The following LRP1B variants were observed in gnomAD, a reference collection of about 807,000 sequenced individuals.
LRP1B encodes LDL receptor related protein 1B.
Under a neutral mutation model 556.6 loss-of-function variants are expected in LRP1B, and 217 were observed. That is an observed-to-expected ratio of 0.39 (90% confidence interval 0.35 to 0.44). The LOEUF is 0.44. Among genes scored for constraint, LRP1B ranks in the 20% least tolerant of loss-of-function variants. LRP1B has a pLI of 1.00. For synonymous variants in LRP1B, 2,047 were observed against 1,865.8 expected, an observed-to-expected ratio of 1.10 and a Z score of -2.50; for missense variants, 5,053 against 5,620.8, an observed-to-expected ratio of 0.90 and a Z score of 3.23.
At chr2:141,578,209 C>G (rs1161866745) in intron 2 of LRP1B, among the ~76,000 whole-genome samples, 2 of 152,018 alleles carry the variant, frequency 1.3e-5, no homozygotes, top group Non-Finnish European at 2.9e-5. Context: ...ACCTGAACAA[C>G]ATGGTGAAAT....
At chr2:142,117,615 T>TTG (rs372613514) in intron 1 of LRP1B, among the ~76,000 whole-genome samples, 9 of 144,108 alleles carry the variant, frequency 6.2e-5, no homozygotes, top group African/African-American at 1.5e-4. Flanking sequence ...GTGTGTGTGT[T>TTG]TGTGTGTGTG....
At position 141,536,455 on chromosome 2, in the gene LRP1B, C is replaced by A. The variant is rs1685071310; in HGVS notation, c.206-55922G>T. Among the ~76,000 whole-genome samples, 5 of 151,972 alleles carry A rather than the reference C, an allele frequency of 3.3e-5. No individual in the cohort carries two copies. The South Asian group carries it at 1.0e-3, about 32-fold the overall frequency. On this transcript the variant is annotated intron_variant, in intron 2 of 90. Transcript: ENST00000389484. The stretch of plus-strand genomic sequence containing the variant: ...TAAAATGTTTTGTGAATGCTATACC[C>A]ATCCTAATATAGAATCAATTATTAG...
At chr2:141,695,269 C>T (rs371638054) in intron 2 of LRP1B, among the ~76,000 whole-genome samples, 50 of 152,016 alleles carry the variant, frequency 3.3e-4, no homozygotes, top group South Asian at 6.2e-4. Context: ...ATTCTGATGC[C>T]TCCTGGGGCA....
chr2:141,488,109 G>T (rs1683185678), intron 2 of LRP1B, among the ~76,000 whole-genome samples: 1 of 152,064 alleles, frequency 6.6e-6, no homozygotes, highest in Non-Finnish European at 1.5e-5. Flanking sequence ...AGGCCTCATT[G>T]TATAGTTTAT....
At position 141,337,524 on chromosome 2, in the gene LRP1B, C is replaced by A. The variant is rs138635939; in HGVS notation, c.344-82883G>T. 3.1e-3 allele frequency among the ~76,000 whole-genome samples: 476 copies of A among 152,202 alleles called. 1 individual carries two copies. The highest frequency in any genetic ancestry group is 3.6e-3 in the Non-Finnish European group (243 of 68,012). ...AGCTGATTATTTTTTATACTGTTAA[C>A]AGTCTAACCAGTGTCTTTTGCAAAA... is the stretch of plus-strand genomic sequence containing the variant. On this transcript the variant is annotated intron_variant, in intron 3 of 90. Coordinates refer to ENST00000389484, the MANE Select transcript of LRP1B (RefSeq NM_018557.3).
At chr2:140,716,973 TA>T (rs528699146) in intron 35 of LRP1B, among the ~76,000 whole-genome samples, 157 bp from the exon 36 acceptor site, 24 of 151,008 alleles carry the variant, frequency 1.6e-4, no homozygotes, top group South Asian at 4.2e-4. Context: ...ATATAAATAG[TA>T]AAAAAAAAGC....
At chr2:141,963,281 T>C (rs190155375) in intron 1 of LRP1B, among the ~76,000 whole-genome samples, 1 of 151,910 alleles carries the variant, frequency 6.6e-6, no homozygotes, top group South Asian at 2.1e-4. Flanking sequence ...GGAGGTGTGC[T>C]GGAATATGAA....
At chr2:140,856,806 G>T (rs1692634440) in intron 27 of LRP1B, among the ~76,000 whole-genome samples, 1 of 151,334 alleles carries the variant, frequency 6.6e-6, no homozygotes, top group Non-Finnish European at 1.5e-5. Context: ...AATTTCTATG[G>T]TATCTATTAT....
At chr2:141,220,968 C>A (rs1056927191) in intron 6 of LRP1B, among the ~76,000 whole-genome samples, 2 of 151,560 alleles carry the variant, frequency 1.3e-5, no homozygotes, top group African/African-American at 4.8e-5. Flanking sequence ...CTAAAAAGTA[C>A]ACAGACCAAT....
intron 3 of LRP1B, among the ~76,000 whole-genome samples, chr2:141,262,811 A>G (rs1244724788): frequency 6.6e-6 from 1 of 152,086 alleles, no homozygotes; most frequent in Non-Finnish European, 1.5e-5. Context: ...ATGACAGCAA[A>G]TCTTGAAATC....
At chr2:141,402,864 A>G (rs1690496943) in intron 3 of LRP1B, among the ~76,000 whole-genome samples, 1 of 152,090 alleles carries the variant, frequency 6.6e-6, no homozygotes. Context: ...ATATCAAACT[A>G]CTGAAAAGAT....
At chr2:141,733,756 A>C (rs1693364781) in intron 2 of LRP1B, among the ~76,000 whole-genome samples, 1 of 152,116 alleles carries the variant, frequency 6.6e-6, no homozygotes, top group Non-Finnish European at 1.5e-5. Flanking sequence ...TACTGCTAGA[A>C]TTGGCCTTCC....
intron 2 of LRP1B, among the ~76,000 whole-genome samples, chr2:141,743,501 C>CTTTTTTTTTTTTTTTTTTTTTTTT (rs796287062): frequency 2.5e-5 from 3 of 119,028 alleles, no homozygotes; most frequent in Non-Finnish European, 4.9e-5. Flanking sequence ...TTTTTTTTTT[C>CTTTTTTTTTTTTTTTTTTTTTTTT]TTTTTTTTTT....
chr2:141,314,828 G>GTGTATATATATATATACACATATATATA (rs1686945991), intron 3 of LRP1B, among the ~76,000 whole-genome samples: 2 of 60,964 alleles, frequency 3.3e-5, no homozygotes, highest in Non-Finnish European at 7.5e-5. Flanking sequence ...ATATATATAT[G>GTGTATATATATATATACACATATATATA]TGTATATATA....
intron 41 of LRP1B, among the ~76,000 whole-genome samples, chr2:140,634,896 AAAC>A (rs1191330299): frequency 6.6e-6 from 1 of 152,144 alleles, no homozygotes; most frequent in Non-Finnish European, 1.5e-5. Context: ...GAAACAACAA[AAAC>A]AACAGAAAAG....
intron 3 of LRP1B, among the ~76,000 whole-genome samples, chr2:141,342,830 C>T (rs1363443830): frequency 6.6e-6 from 1 of 152,148 alleles, no homozygotes; most frequent in East Asian, 1.9e-4. Context: ...CTTCCTCAAC[C>T]TAGCAAGACA....
chr2:140,426,884 A>T (rs143408103), intron 66 of LRP1B, among the ~76,000 whole-genome samples: 202 of 152,246 alleles, frequency 1.3e-3, no homozygotes, highest in Admixed American at 8.8e-3. Flanking sequence ...TGTGAGAAAG[A>T]TCCACCTACC....
At chr2:141,948,913 A>T (rs1701030369) in intron 1 of LRP1B, among the ~76,000 whole-genome samples, 1 of 152,152 alleles carries the variant, frequency 6.6e-6, no homozygotes, top group South Asian at 2.1e-4. Flanking sequence ...ATTCAATTTA[A>T]TCTTTGATAT....
intron 2 of LRP1B, among the ~76,000 whole-genome samples, chr2:141,508,192 C>T (rs1684002077): frequency 6.6e-6 from 1 of 151,990 alleles, no homozygotes; most frequent in African/African-American, 2.4e-5. Flanking sequence ...AGACCAAATT[C>T]CCCTTTCTTT....
Sources: allele counts gnomAD v4.1 joint callset (sites outside exome capture counted in the v4.1 genomes callset), GRCh38; gene constraint gnomAD v4.1.1; transcripts MANE v1.5; gene names NCBI Gene and HGNC (gene_info 2026-07-23, HGNC 2026-07-21).